Variants in SYNE2 observed in about 807,000 individuals in gnomAD.
SYNE2 encodes spectrin repeat containing nuclear envelope protein 2.
Under a neutral mutation model 856.3 loss-of-function variants are expected in SYNE2, and 431 were observed. The observed-to-expected ratio is 0.50, with a 90% CI of 0.47 to 0.55. SYNE2 has a LOEUF of 0.55. Ranked by LOEUF, SYNE2 falls within the 20% of genes least tolerant of loss-of-function variation. The pLI, the probability that SYNE2 is intolerant of heterozygous loss-of-function variation, is 0.00. For synonymous variants in SYNE2, 2,923 were observed against 2,872.3 expected, an observed-to-expected ratio of 1.02 and a Z score of -0.56; for missense variants, 8,129 against 8,023.2, an observed-to-expected ratio of 1.01 and a Z score of -0.50.
intron 1 of SYNE2, among the ~76,000 whole-genome samples, chr14:63,776,530 C>T (rs915165730): frequency 3.3e-5 from 5 of 151,862 alleles, no homozygotes; most frequent in African/African-American, 1.2e-4. Context: ...GACAAATGAT[C>T]CCACCTGCTG....
Position 64,002,099 on chromosome 14 carries a change from C to T in SYNE2, c.3786+18C>T, listed in dbSNP as rs745317765. On this transcript the variant is annotated intron_variant, in intron 29 of 115. Transcript: ENST00000555002. Reference sequence around the variant, plus strand: ...ACCTAAGGGTAAGTATATAAGTTCTCACAGTGTATTTACAGAATAATCGAG... The same window carrying T: ...ACCTAAGGGTAAGTATATAAGTTCTTACAGTGTATTTACAGAATAATCGAG... The T allele has an allele frequency of 1.3e-6, 2 of 1,579,070 alleles. No individual in the cohort carries two copies. The highest frequency in any genetic ancestry group is 1.7e-6 in the Non-Finnish European group (2 of 1,148,596).
At chr14:63,970,019 A>G (rs144417177) in intron 11 of SYNE2, among the ~76,000 whole-genome samples, 1 of 152,272 alleles carries the variant, frequency 6.6e-6, no homozygotes, top group African/African-American at 2.4e-5. Context: ...CTTGACATCT[A>G]GTAATATTAT....
chr14:63,795,828 A>C (rs1887898331), intron 1 of SYNE2, among the ~76,000 whole-genome samples: 1 of 152,244 alleles, frequency 6.6e-6, no homozygotes, highest in Admixed American at 6.5e-5. Context: ...CAAACTATTA[A>C]CACAATGTGG....
At chr14:63,909,324 G>A (rs2095445149) in intron 2 of SYNE2, 97 bp downstream of exon 2, 1 of 711,770 alleles carries the variant, frequency 1.4e-6, no homozygotes, top group Non-Finnish European at 2.4e-6. Context: ...CTCTTATGGA[G>A]ATAAATATAT....
intron 45 of SYNE2, among the ~76,000 whole-genome samples, chr14:64,041,187 T>G (rs1042242511): frequency 6.6e-6 from 1 of 151,978 alleles, no homozygotes. Context: ...AAAAATATAT[T>G]AAAGAAAAGC....
At chr14:64,215,432 C>T (rs964140381) in intron 107 of SYNE2, 78 bp downstream of exon 107, 5 of 1,403,960 alleles carry the variant, frequency 3.6e-6, no homozygotes, top group East Asian at 2.3e-5. Context: ...GCTCCCATGT[C>T]GTGTCTACCT....
At chr14:63,920,544 G>A (rs1423309527) in intron 2 of SYNE2, among the ~76,000 whole-genome samples, 1 of 150,580 alleles carries the variant, frequency 6.6e-6, no homozygotes, top group Non-Finnish European at 1.5e-5. Flanking sequence ...CTAAGACCAA[G>A]CAGAAGCAAT....
intron 85 of SYNE2, among the ~76,000 whole-genome samples, chr14:64,156,080 C>G (rs1386566082): frequency 6.6e-6 from 1 of 152,226 alleles, no homozygotes; most frequent in African/African-American, 2.4e-5. Context: ...TGCTGCCCTG[C>G]TGATGACCCC....
intron 1 of SYNE2, among the ~76,000 whole-genome samples, chr14:63,892,238 G>A (rs2095149645): frequency 6.6e-6 from 1 of 151,948 alleles, no homozygotes; most frequent in Admixed American, 6.6e-5. Flanking sequence ...TAATTACAGT[G>A]AGATCCTGCA....
chr14:64,034,393 C>T, intron 45 of SYNE2: 1 of 412,682 alleles, frequency 2.4e-6, no homozygotes, highest in Non-Finnish European at 4.3e-6. Flanking sequence ...TTTTGGAATC[C>T]AGAGAGGCTT....
chr14:63,770,632 T>A (rs1394760239), intron 1 of SYNE2, among the ~76,000 whole-genome samples: 2 of 151,982 alleles, frequency 1.3e-5, no homozygotes, highest in African/African-American at 4.8e-5. Flanking sequence ...AGACACTGTT[T>A]TTACCGAAAT....
chr14:63,875,476 A>G (rs1185888556), intron 1 of SYNE2, among the ~76,000 whole-genome samples: 1 of 152,134 alleles, frequency 6.6e-6, no homozygotes, highest in African/African-American at 2.4e-5. Flanking sequence ...TTCCAACACC[A>G]TCACTTCCTC....
rs373881042 is a variant in SYNE2, at chr14:64,144,587, C to T, written c.15483+639C>T. 1.7e-4 allele frequency among the ~76,000 whole-genome samples: 26 copies of T among 152,250 alleles called. 1 individual carries two copies. The highest frequency in any genetic ancestry group is 3.4e-3 in the Middle Eastern group (1 of 294). ...CATTAGCAGATACTCAAAATAAACA[C>T]TGTGTAACATAATGCACTTAATTAG... On this transcript the variant is annotated intron_variant, in intron 83 of 115. Transcript: ENST00000555002.
At chr14:64,150,998 G>A (rs2098236763) in intron 84 of SYNE2, among the ~76,000 whole-genome samples, 1 of 152,178 alleles carries the variant, frequency 6.6e-6, no homozygotes, top group Admixed American at 6.5e-5. Context: ...TGTTACGACA[G>A]TGAGAGGTTT....
At chr14:64,064,054 T>C (rs2097338650) in intron 50 of SYNE2, among the ~76,000 whole-genome samples, 1 of 152,200 alleles carries the variant, frequency 6.6e-6, no homozygotes, top group South Asian at 2.1e-4. Flanking sequence ...AAATATGTCA[T>C]TGTACTGTTT....
chr14:64,004,531 T>A (rs776585713), intron 30 of SYNE2, among the ~76,000 whole-genome samples: 2 of 152,164 alleles, frequency 1.3e-5, no homozygotes, highest in East Asian at 3.9e-4. Flanking sequence ...GGTTTCACCA[T>A]GTTGACCAGG....
intron 1 of SYNE2, chr14:63,864,551 T>C (rs1032283614): frequency 2.0e-5 from 3 of 152,176 alleles, no homozygotes; most frequent in Non-Finnish European, 4.4e-5. Context: ...TGATTTCAGG[T>C]TTGAGCAGGG....
chr14:64,167,075 C>A (rs2098383973), intron 90 of SYNE2, 158 bp from the exon 91 acceptor site: 1 of 837,326 alleles, frequency 1.2e-6, no homozygotes, highest in Admixed American at 2.3e-5. Context: ...TAGCTGAATT[C>A]AGGTCCCACT....
chr14:63,961,500 A>G (rs1019751781), intron 8 of SYNE2, 25 bp from the exon 9 acceptor site: 1 of 1,570,812 alleles, frequency 6.4e-7, no homozygotes, highest in African/African-American at 1.4e-5. Context: ...GTAACAGCTA[A>G]TTGATAGTGT....
Sources: gnomAD v4.1 joint callset for allele counts (sites outside exome capture counted in the v4.1 genomes callset) on GRCh38, gnomAD v4.1.1 for gene constraint, MANE v1.5 for transcripts, NCBI Gene and HGNC (gene_info 2026-07-23, HGNC 2026-07-21) for gene names.